CHD1L: variants seen among roughly 807,000 people sequenced by gnomAD.
CHD1L encodes the protein chromodomain helicase DNA binding protein 1 like, also known as ATP-dependent chromatin remodeler CHD1L.
Under a neutral mutation model 115.9 loss-of-function variants are expected in CHD1L, and 118 were observed. That is an observed-to-expected ratio of 1.02 (90% CI 0.88 to 1.19). The LOEUF is 1.19. CHD1L is among the 50% of genes most tolerant of loss of function. The pLI, the probability that CHD1L is intolerant of heterozygous loss-of-function variation, is 0.00. For synonymous variants in CHD1L, 411 were observed against 387.1 expected, an observed-to-expected ratio of 1.06 and a Z score of -0.72; for missense variants, 1,179 against 1,065.3, an observed-to-expected ratio of 1.11 and a Z score of -1.49.
chr1:147,187,993 C>T, the CHD1L span, among the ~76,000 whole-genome samples: 7 of 151,912 alleles, frequency 4.6e-5, no homozygotes, highest in East Asian at 1.4e-3. Context: ...TTGAAGAATC[C>T]AAGAACAGGG....
At chr1:147,252,227 G>A (rs1376693872) in intron 1 of CHD1L, among the ~76,000 whole-genome samples, 2 of 152,100 alleles carry the variant, frequency 1.3e-5, no homozygotes, top group African/African-American at 4.8e-5. Flanking sequence ...ATTTAAATGG[G>A]TGCAATTAAA....
At chr1:147,227,989 T>A in the CHD1L span, among the ~76,000 whole-genome samples, 1 of 147,404 alleles carries the variant, frequency 6.8e-6, no homozygotes, top group East Asian at 2.0e-4. Context: ...CTTGGCTCAC[T>A]GCAAGCTCCA....
intron 8 of CHD1L, among the ~76,000 whole-genome samples, chr1:147,266,485 C>T (rs1470540198): frequency 6.6e-6 from 1 of 152,182 alleles, no homozygotes; most frequent in East Asian, 1.9e-4. Context: ...AAAAATAATT[C>T]ATAAATTTTA....
At chr1:147,206,427 G>C in the CHD1L span, among the ~76,000 whole-genome samples, 3 of 152,132 alleles carry the variant, frequency 2.0e-5, no homozygotes, top group African/African-American at 7.2e-5. Context: ...ATACCCAAAG[G>C]ATTATAAATC....
the CHD1L span, among the ~76,000 whole-genome samples, chr1:147,179,921 A>T: frequency 6.7e-6 from 1 of 149,468 alleles, no homozygotes; most frequent in Admixed American, 6.8e-5. Context: ...CATTTGGAAC[A>T]GTGACAATAA....
chr1:147,176,739 C>T, the CHD1L span, among the ~76,000 whole-genome samples: 3 of 152,068 alleles, frequency 2.0e-5, no homozygotes, highest in Non-Finnish European at 4.4e-5. Flanking sequence ...TATATATCAT[C>T]ACCATGTGAG....
intron 20 of CHD1L, among the ~76,000 whole-genome samples, chr1:147,292,904 G>A (rs1188234616): frequency 6.6e-6 from 1 of 152,218 alleles, no homozygotes; most frequent in Non-Finnish European, 1.5e-5. Flanking sequence ...ATGAGATTTG[G>A]AGGGGGACAC....
At chr1:147,213,522 G>A in the CHD1L span, 1 of 1,494,698 alleles carries the variant, frequency 6.7e-7, no homozygotes, top group Non-Finnish European at 9.0e-7. Flanking sequence ...GACTCTCCTT[G>A]CATAGTGTTA....
chr1:147,267,877 A>G (rs1346627717), intron 9 of CHD1L, among the ~76,000 whole-genome samples: 1 of 152,108 alleles, frequency 6.6e-6, no homozygotes, highest in African/African-American at 2.4e-5. Flanking sequence ...GGAATGCATG[A>G]TAAGCTGGGT....
At chr1:147,263,752 G>C (rs886507094) in intron 6 of CHD1L, among the ~76,000 whole-genome samples, 20 of 151,716 alleles carry the variant, frequency 1.3e-4, no homozygotes, top group Non-Finnish European at 2.2e-4. Flanking sequence ...CGAAATTTAA[G>C]GACTTTTTTT....
chr1:147,201,374 C>T, the CHD1L span: 6 of 1,614,192 alleles, frequency 3.7e-6, no homozygotes, highest in East Asian at 2.2e-5. Context: ...TCAATGTCAT[C>T]CTCCCTGGAG....
chr1:147,209,137 A>G, the CHD1L span: 6 of 1,213,538 alleles, frequency 4.9e-6, no homozygotes, highest in South Asian at 1.4e-5. Flanking sequence ...GAATCATTTC[A>G]GGCCCGGCGC....
intron 6 of CHD1L, among the ~76,000 whole-genome samples, chr1:147,263,718 C>T (rs1471828975): frequency 2.0e-5 from 3 of 151,954 alleles, no homozygotes; most frequent in African/African-American, 4.8e-5. Flanking sequence ...GTCTCTCTTA[C>T]TCTTGGTGTT....
At chr1:147,178,747 A>G in the CHD1L span, 1 of 1,593,188 alleles carries the variant, frequency 6.3e-7, no homozygotes, top group African/African-American at 1.3e-5. Context: ...TTCACATCTC[A>G]CTAACAAGTT....
the CHD1L span, among the ~76,000 whole-genome samples, chr1:147,189,981 T>G: frequency 3.3e-5 from 5 of 152,164 alleles, no homozygotes; most frequent in African/African-American, 1.2e-4. Context: ...CTAAAACTTT[T>G]CTCTCTTTTC....
At chr1:147,254,750 A>G in intron 2 of CHD1L, 120 bp from the exon 3 acceptor site, 1 of 598,750 alleles carries the variant, frequency 1.7e-6, no homozygotes, top group Non-Finnish European at 2.8e-6. Flanking sequence ...TTCGTACAAT[A>G]TTTCTTTGTA....
At chr1:147,238,312 C>T (rs587679456), upstream of CHD1L, among the ~76,000 whole-genome samples, 1 of 152,286 alleles carries the variant, frequency 6.6e-6, no homozygotes, top group African/African-American at 2.4e-5. Context: ...ATCCAATTTC[C>T]GTATCTGACT....
the CHD1L span, chr1:147,178,087 C>A: frequency 7.0e-7 from 1 of 1,435,994 alleles, no homozygotes; most frequent in East Asian, 2.4e-5. Flanking sequence ...GCGACCCTTC[C>A]GGCTGCCCCC....
At chr1:147,186,708 G>A in the CHD1L span, 2 of 1,412,808 alleles carry the variant, frequency 1.4e-6, no homozygotes, top group Non-Finnish European at 1.8e-6. Flanking sequence ...GATCATGAGT[G>A]GAAGGGAGAT....
Sources: gnomAD v4.1 joint callset for allele counts (sites outside exome capture counted in the v4.1 genomes callset) on GRCh38, gnomAD v4.1.1 for gene constraint, MANE v1.5 for transcripts, NCBI Gene and HGNC (gene_info 2026-07-23, HGNC 2026-07-21) for gene names.